The following FAT3 variants were observed in gnomAD, a reference collection of about 807,000 sequenced individuals.
The protein encoded by FAT3 is protocadherin Fat 3.
Under a neutral mutation model 310.2 loss-of-function variants are expected in FAT3, and 95 were observed. That is an observed-to-expected ratio of 0.31 (90% CI 0.26 to 0.36). FAT3 has a LOEUF of 0.36. Ranked by LOEUF, FAT3 falls within the 10% of genes least tolerant of loss-of-function variation. FAT3 has a pLI of 1.00. For synonymous variants in FAT3, 2,314 were observed against 2,192.9 expected (o/e 1.06, Z -1.54); for missense variants, 5,408 against 5,715.6 (o/e 0.95, Z 1.74).
At chr11:92,470,620 G>A (rs1463533197) in intron 2 of FAT3, among the ~76,000 whole-genome samples, 1 of 152,096 alleles carries the variant, frequency 6.6e-6, no homozygotes, top group Non-Finnish European at 1.5e-5. Flanking sequence ...AACTTCTTGG[G>A]TTATTATTTT....
intron 3 of FAT3, among the ~76,000 whole-genome samples, chr11:92,555,783 C>G (rs1033108467): frequency 6.6e-6 from 1 of 152,212 alleles, no homozygotes; most frequent in African/African-American, 2.4e-5. Context: ...TTATGCAGTT[C>G]TGTGTTTTTA....
At chr11:92,441,847 A>C (rs1385912335) in intron 2 of FAT3, among the ~76,000 whole-genome samples, 2 of 151,890 alleles carry the variant, frequency 1.3e-5, no homozygotes, top group Non-Finnish European at 2.9e-5. Flanking sequence ...GGTCTTACTC[A>C]GAACCTCATC....
chr11:92,754,507 A>T (rs1332225515), intron 4 of FAT3, among the ~76,000 whole-genome samples: 1 of 151,182 alleles, frequency 6.6e-6, no homozygotes, highest in Non-Finnish European at 1.5e-5. Flanking sequence ...GGGTGCCTGT[A>T]GTCCCAGCTA....
chr11:92,493,771 A>G (rs1265250034), intron 2 of FAT3, among the ~76,000 whole-genome samples: 12 of 152,052 alleles, frequency 7.9e-5, no homozygotes, highest in Non-Finnish European at 1.5e-5. Context: ...GGACTAACAG[A>G]CGTGCTGAAG....
intron 3 of FAT3, among the ~76,000 whole-genome samples, chr11:92,603,747 C>A (rs958228246): frequency 6.6e-6 from 1 of 152,134 alleles, no homozygotes; most frequent in Non-Finnish European, 1.5e-5. Flanking sequence ...AAACAGTCCA[C>A]CAGATTGCTC....
chr11:92,800,093 C>T lies in FAT3; in HGVS notation c.7080C>T (p.Cys2360=), dbSNP rs548864892. The change falls in exon 10 of 28, where the codon TGC becomes TGT. Residue 2360 remains cysteine, a synonymous_variant. Transcript: ENST00000525166. ...TGGACCATGAGTTAGTACAACACTG[C>T]ACTTTGAAAGTCAGATCAATAGATA... is the stretch of plus-strand genomic sequence containing the variant. ...RMLDHELVQH[C]TLKVRSIDSG... 6.2e-7 allele frequency: 1 copy of T among 1,613,992 alleles called. No individual in the cohort carries two copies. Among genetic ancestry groups the T allele is most frequent in the East Asian group, 2.2e-5 (1 of 44,870 alleles).
At chr11:92,887,791 G>A (rs1053810317) in intron 25 of FAT3, among the ~76,000 whole-genome samples, 5 of 152,080 alleles carry the variant, frequency 3.3e-5, no homozygotes, top group Non-Finnish European at 7.4e-5. Flanking sequence ...AACCAGCTTC[G>A]GAGGATGGGT....
At chr11:92,859,587 C>T (rs574860111) in intron 21 of FAT3, among the ~76,000 whole-genome samples, 84 of 152,296 alleles carry the variant, frequency 5.5e-4, no homozygotes, top group African/African-American at 1.9e-3. Flanking sequence ...GAGCTGTAAT[C>T]GCTCAACAGT....
At chr11:92,761,520 C>G (rs1156456701) in intron 4 of FAT3, among the ~76,000 whole-genome samples, 1 of 152,180 alleles carries the variant, frequency 6.6e-6, no homozygotes, top group African/African-American at 2.4e-5. Flanking sequence ...TTGCAGACAG[C>G]TACCTTCTTT....
chr11:92,844,216 G>A lies in FAT3; in HGVS notation c.10849G>A (p.Val3617Ile). The change falls in exon 19 of 28, where the codon GTC becomes ATC. Residue 3617 changes from valine to isoleucine, a missense_variant. Physicochemically the swap from Val to Ile is conservative, Grantham distance 29 (BLOSUM62 3). Around this residue, in one of 5 missense-constraint regions of FAT3, gnomAD observed 4,588 missense variants for 4,809.8 expected, o/e 0.95. Transcript: ENST00000525166. Reference protein sequence around the residue: ...ALGGLDSGKYVLNVSVSDGRF... With the variant: ...ALGGLDSGKYILNVSVSDGRF... ...GGGAGGCCTGGACAGCGGCAAGTAT[G>A]TCCTGAATGTGTCTGTGAGTGATGG... is the stretch of plus-strand genomic sequence containing the variant. The A allele has an allele frequency of 6.2e-7, 1 of 1,614,048 alleles. No homozygotes were observed. The highest frequency in any genetic ancestry group is 8.5e-7 in the Non-Finnish European group (1 of 1,179,904).
chr11:92,567,247 A>G (rs1955493090), intron 3 of FAT3, among the ~76,000 whole-genome samples: 2 of 117,560 alleles, frequency 1.7e-5, no homozygotes, highest in Admixed American at 8.5e-5. Context: ...ACACTTCTCA[A>G]AAGAAGACAT....
At chr11:92,567,970 C>A (rs377764896) in intron 3 of FAT3, among the ~76,000 whole-genome samples, 21 of 151,926 alleles carry the variant, frequency 1.4e-4, no homozygotes, top group African/African-American at 4.1e-4. Flanking sequence ...GCAGTGCACC[C>A]GCATGGCACA....
intron 3 of FAT3, among the ~76,000 whole-genome samples, chr11:92,585,995 GA>G (rs1324493229): frequency 2.0e-5 from 3 of 151,922 alleles, no homozygotes; most frequent in African/African-American, 7.2e-5. Flanking sequence ...GTCTGAGCTG[GA>G]GGAAGGAAGC....
chr11:92,550,529 A>G (rs1290506287), intron 3 of FAT3, among the ~76,000 whole-genome samples: 1 of 152,152 alleles, frequency 6.6e-6, no homozygotes, highest in Non-Finnish European at 1.5e-5. Flanking sequence ...GACTATGATG[A>G]CCACTGGGAG....
intron 13 of FAT3, among the ~76,000 whole-genome samples, chr11:92,814,485 C>T (rs1003395028): frequency 6.6e-6 from 1 of 152,020 alleles, no homozygotes; most frequent in Non-Finnish European, 1.5e-5. Context: ...TAAGAAATAC[C>T]GTGGCAACTC....
chr11:92,512,872 C>T (rs549496218), intron 2 of FAT3, among the ~76,000 whole-genome samples: 1 of 112,424 alleles, frequency 8.9e-6, no homozygotes, highest in Admixed American at 9.4e-5. Context: ...CCTGTAATCC[C>T]AGCACTTTGG....
intron 1 of FAT3, among the ~76,000 whole-genome samples, chr11:92,348,632 T>C (rs1476918981): frequency 6.6e-6 from 1 of 152,192 alleles, no homozygotes; most frequent in East Asian, 1.9e-4. Context: ...TTAATGTAAC[T>C]TAATGAAAAC....
At chr11:92,331,543 G>T (rs1215109472) in intron 1 of FAT3, among the ~76,000 whole-genome samples, 1 of 152,110 alleles carries the variant, frequency 6.6e-6, no homozygotes, top group Non-Finnish European at 1.5e-5. Flanking sequence ...TGGGTGTTTT[G>T]GAAGCAGCTG....
At chr11:92,553,687 TCC>T (rs1954901282) in intron 3 of FAT3, among the ~76,000 whole-genome samples, 2 of 44,784 alleles carry the variant, frequency 4.5e-5, no homozygotes, top group African/African-American at 4.6e-5. Context: ...CTTCCTTCCT[TCC>T]TTCCTTCCTT....
Sources: allele counts gnomAD v4.1 joint callset (sites outside exome capture counted in the v4.1 genomes callset), GRCh38; gene constraint gnomAD v4.1.1; regional missense constraint gnomAD v4.1.1; transcripts MANE v1.5; gene names NCBI Gene and HGNC (gene_info 2026-07-23, HGNC 2026-07-21).